The following XPR1 variants were observed in gnomAD, a reference collection of about 807,000 sequenced individuals.
XPR1 encodes xenotropic and polytropic retrovirus receptor 1.
A neutral mutation model predicts 87.5 loss-of-function variants in XPR1; 28 were observed. That is an observed-to-expected ratio of 0.32 (90% CI 0.24 to 0.44). The LOEUF is 0.44. Among genes scored for constraint, XPR1 ranks in the 20% least tolerant of loss-of-function variants. XPR1 has a pLI of 1.00. For missense variants in XPR1, 559 were observed against 862.3 expected (o/e 0.65, Z 4.41); for synonymous variants, 300 against 306.1 (o/e 0.98, Z 0.21).
chr1:180,711,516 A>C (rs1338213655), intron 2 of XPR1, among the ~76,000 whole-genome samples: 1 of 151,924 alleles, frequency 6.6e-6, no homozygotes, highest in Non-Finnish European at 1.5e-5. Context: ...CGGCAGGCTG[A>C]GGCAGGAGAA....
At chr1:180,669,753 A>T (rs1656097366) in intron 1 of XPR1, among the ~76,000 whole-genome samples, 1 of 152,182 alleles carries the variant, frequency 6.6e-6, no homozygotes, top group South Asian at 2.1e-4. Context: ...CCCTATAGGT[A>T]CTATGTTTTT....
At chr1:180,840,051 G>A (rs1571885732) in intron 11 of XPR1, among the ~76,000 whole-genome samples, 1 of 151,418 alleles carries the variant, frequency 6.6e-6, no homozygotes, top group African/African-American at 2.4e-5. Flanking sequence ...GTGAAACCCC[G>A]TCTCTACTAA....
chr1:180,739,330 C>T (rs535622062), intron 2 of XPR1, among the ~76,000 whole-genome samples: 1 of 152,218 alleles, frequency 6.6e-6, no homozygotes, highest in East Asian at 1.9e-4. Flanking sequence ...TATTGTTTTT[C>T]AAAAATTTTA....
intron 2 of XPR1, among the ~76,000 whole-genome samples, chr1:180,710,543 C>G (rs1657727701): frequency 6.6e-6 from 1 of 152,152 alleles, no homozygotes; most frequent in South Asian, 2.1e-4. Context: ...AACAGCATCC[C>G]AAGGCAGAAG....
intron 2 of XPR1, among the ~76,000 whole-genome samples, chr1:180,785,001 G>GTGTGTGTT (rs1649081844): frequency 7.8e-6 from 1 of 127,874 alleles, no homozygotes; most frequent in East Asian, 2.3e-4. Flanking sequence ...TTTTTTTCGT[G>GTGTGTGTT]TGTGTGTGTT....
At chr1:180,851,168 A>G (rs1161475039) in intron 11 of XPR1, among the ~76,000 whole-genome samples, 1 of 152,162 alleles carries the variant, frequency 6.6e-6, no homozygotes, top group African/African-American at 2.4e-5. Flanking sequence ...TTTAATGTAA[A>G]AACACCAAAC....
intron 1 of XPR1, among the ~76,000 whole-genome samples, chr1:180,651,043 C>G (rs1001040221): frequency 3.3e-5 from 5 of 151,876 alleles, no homozygotes; most frequent in Non-Finnish European, 4.4e-5. Context: ...TAACAGGACC[C>G]CCTTTCGATG....
chr1:180,844,599 A>C (rs1448847890), intron 11 of XPR1, among the ~76,000 whole-genome samples: 1 of 152,228 alleles, frequency 6.6e-6, no homozygotes, highest in Non-Finnish European at 1.5e-5. Context: ...AAAACTCAGT[A>C]GCTTAAAAAC....
chr1:180,680,326 T>C (rs1656526412), intron 1 of XPR1, among the ~76,000 whole-genome samples: 1 of 148,608 alleles, frequency 6.7e-6, no homozygotes, highest in South Asian at 2.1e-4. Flanking sequence ...GAGAACAGTA[T>C]GGAGATTCCT....
In XPR1 at chr1:180,770,823, G is replaced by C. The variant is rs189446440; in HGVS notation, c.122-16930G>C. On this transcript the variant is annotated intron_variant, in intron 2 of 14. Coordinates refer to ENST00000367590, the MANE Select transcript of XPR1 (RefSeq NM_004736.4). ...TTTTACATTACTTTCTCTTTCATTT[G>C]GTATTGTTAATCACTGTTGGTTTTC... Among the ~76,000 whole-genome samples the C allele has an allele frequency of 4.5e-4, 68 of 151,964 alleles. 1 individual carries two copies. Among genetic ancestry groups the C allele is most frequent in the Non-Finnish European group, 8.4e-4 (57 of 67,928 alleles).
intron 11 of XPR1, among the ~76,000 whole-genome samples, chr1:180,842,959 T>A (rs1651566179): frequency 1.3e-5 from 2 of 152,214 alleles, no homozygotes; most frequent in Non-Finnish European, 2.9e-5. Context: ...TCGGCACAAT[T>A]AAGAGTTCAT....
chr1:180,830,248 CG>C (rs1432706200), intron 9 of XPR1, among the ~76,000 whole-genome samples: 1 of 152,090 alleles, frequency 6.6e-6, no homozygotes, highest in Admixed American at 6.6e-5. Context: ...TTTGCTTTAT[CG>C]GGCGCTTATG....
intron 4 of XPR1, among the ~76,000 whole-genome samples, chr1:180,804,362 T>C (rs1649910066): frequency 6.6e-6 from 1 of 152,212 alleles, no homozygotes; most frequent in African/African-American, 2.4e-5. Context: ...CTGACACTAA[T>C]AAAACAAAGA....
chr1:180,886,862 C>G lies in XPR1; in HGVS notation c.*2796C>G, dbSNP rs1034494281. The stretch of plus-strand genomic sequence containing the variant: ...GATTGGAGGCTCCCATACACTGAAA[C>G]TCTCAATAGAATTCTTAAAAATGAA... On this transcript the variant is annotated 3_prime_UTR_variant, in exon 15 of 15. Coordinates refer to ENST00000367590, the MANE Select transcript of XPR1 (RefSeq NM_004736.4). 6.6e-6 allele frequency: 1 copy of G among 152,152 alleles called. No homozygotes were observed. Among genetic ancestry groups the G allele is most frequent in the African/African-American group, 2.4e-5 (1 of 41,436 alleles). The allele number at this position is 152,152 out of a possible 1,614,324, so 9.4% of individuals were successfully genotyped here.
chr1:180,735,606 G>A (rs192953669), intron 2 of XPR1, among the ~76,000 whole-genome samples: 2 of 152,196 alleles, frequency 1.3e-5, no homozygotes, highest in East Asian at 3.9e-4. Flanking sequence ...ACATTCTCTT[G>A]AACTCTATTA....
intron 11 of XPR1, among the ~76,000 whole-genome samples, chr1:180,845,062 G>A (rs1571889799): frequency 6.6e-6 from 1 of 152,022 alleles, no homozygotes; most frequent in Non-Finnish European, 1.5e-5. Context: ...AGTGGCAAAG[G>A]ACTTAAAACA....
At chr1:180,735,651 A>T (rs924902576) in intron 2 of XPR1, among the ~76,000 whole-genome samples, 20 of 152,222 alleles carry the variant, frequency 1.3e-4, no homozygotes, top group African/African-American at 4.8e-4. Flanking sequence ...ATGATAATCA[A>T]TGCTTTTAAC....
In XPR1 at chr1:180,834,942, C is replaced by T; in HGVS notation, c.1203C>T (p.Asn401=). 1 of 1,613,958 alleles carries T rather than the reference C, an allele frequency of 6.2e-7. No homozygotes were observed. The highest frequency in any genetic ancestry group is 8.5e-7 in the Non-Finnish European group (1 of 1,179,988). The change falls in exon 10 of 15, where the codon AAC becomes AAT. Residue 401 remains asparagine, a synonymous_variant. Coordinates refer to ENST00000367590, the MANE Select transcript of XPR1 (RefSeq NM_004736.4). ...ATTTCTGGCTGGCGGATCAGCTGAA[C>T]AGCCTGTCAGTGATACTGATGGACC... ...FADFWLADQL[N]SLSVILMDLE... is the part of the protein sequence containing the mutation.
chr1:180,716,913 T>C (rs1658015515), intron 2 of XPR1, among the ~76,000 whole-genome samples: 1 of 152,240 alleles, frequency 6.6e-6, no homozygotes, highest in Non-Finnish European at 1.5e-5. Context: ...TGGATTATTT[T>C]TCAATATTCA....
Sources: gnomAD v4.1 joint callset for allele counts (sites outside exome capture counted in the v4.1 genomes callset) on GRCh38, gnomAD v4.1.1 for gene constraint, MANE v1.5 for transcripts, NCBI Gene and HGNC (gene_info 2026-07-23, HGNC 2026-07-21) for gene names.